Variants in EXOC4 observed in about 807,000 individuals in gnomAD.
EXOC4 encodes the protein exocyst complex component 4.
In EXOC4, 71 loss-of-function variants were observed where a neutral mutation model predicts 107.2. That is an observed-to-expected ratio of 0.66 (90% CI 0.55 to 0.81). EXOC4 has a LOEUF of 0.81. EXOC4 is among the 30% of genes least tolerant of loss of function. EXOC4 has a pLI of 0.00. For synonymous variants in EXOC4, 456 were observed against 441.2 expected (o/e 1.03, Z -0.42); for missense variants, 1,108 against 1,189.6 (o/e 0.93, Z 1.01).
chr7:133,721,713 C>T (rs2151107065), intron 10 of EXOC4, among the ~76,000 whole-genome samples: 1 of 152,178 alleles, frequency 6.6e-6, no homozygotes, highest in South Asian at 2.1e-4. Context: ...AGACAATGCT[C>T]CATGGATCGC....
chr7:133,787,133 T>A (rs943387964), intron 10 of EXOC4, among the ~76,000 whole-genome samples: 2 of 150,784 alleles, frequency 1.3e-5, no homozygotes, highest in Non-Finnish European at 2.9e-5. Context: ...TGTAAGGTAC[T>A]TTTTTTTTCT....
intron 14 of EXOC4, among the ~76,000 whole-genome samples, chr7:133,938,311 G>C (rs1339655026): frequency 2.0e-5 from 3 of 152,172 alleles, no homozygotes; most frequent in Admixed American, 6.5e-5. Context: ...AATGTGGCTT[G>C]ATATTAACAT....
At chr7:133,425,905 G>T (rs1797715017) in intron 7 of EXOC4, among the ~76,000 whole-genome samples, 1 of 152,142 alleles carries the variant, frequency 6.6e-6, no homozygotes, top group African/African-American at 2.4e-5. Flanking sequence ...CCTGCTTTGA[G>T]GTGTCCCACC....
chr7:134,028,589 TTC>T (rs1452221539), intron 17 of EXOC4, among the ~76,000 whole-genome samples: 1 of 152,180 alleles, frequency 6.6e-6, no homozygotes, highest in African/African-American at 2.4e-5. Context: ...GTGGCTGGAC[TTC>T]TCTGTCGCTA....
chr7:133,817,629 C>T, intron 11 of EXOC4, 85 bp downstream of exon 11: 1 of 950,492 alleles, frequency 1.1e-6, no homozygotes, highest in South Asian at 1.6e-5. Flanking sequence ...AGAAGAATTA[C>T]CATCTGTTTC....
At chr7:133,567,562 A>G (rs1244851958) in intron 9 of EXOC4, among the ~76,000 whole-genome samples, 3 of 152,168 alleles carry the variant, frequency 2.0e-5, no homozygotes, top group East Asian at 1.9e-4. Context: ...CCAAACCGTT[A>G]TATTCCAGGG....
intron 9 of EXOC4, among the ~76,000 whole-genome samples, chr7:133,575,460 C>T (rs577439483): frequency 3.9e-5 from 6 of 152,264 alleles, no homozygotes; most frequent in African/African-American, 9.6e-5. Context: ...ATAACGTATA[C>T]AATACTGCTT....
intron 10 of EXOC4, among the ~76,000 whole-genome samples, chr7:133,790,254 G>A (rs971298695): frequency 6.6e-6 from 1 of 152,218 alleles, no homozygotes; most frequent in African/African-American, 2.4e-5. Flanking sequence ...AGATGGGAAA[G>A]GAATCTGATG....
chr7:133,627,852 GAA>G (rs1802495388), intron 9 of EXOC4, among the ~76,000 whole-genome samples: 1 of 152,092 alleles, frequency 6.6e-6, no homozygotes, highest in Non-Finnish European at 1.5e-5. Flanking sequence ...TTATTCTTAA[GAA>G]AACGTATGCT....
chr7:134,007,385 TCTC>T (rs1166550014), intron 16 of EXOC4, among the ~76,000 whole-genome samples: 10 of 152,122 alleles, frequency 6.6e-5, no homozygotes, highest in Admixed American at 6.5e-4. Flanking sequence ...CCTGGCCTCT[TCTC>T]TAAGGCCTTG....
intron 10 of EXOC4, chr7:133,727,369 C>A: frequency 6.3e-6 from 1 of 159,948 alleles, no homozygotes. Flanking sequence ...GCTCAGTGGG[C>A]CACCTGCTGG....
rs558716693 is a variant in EXOC4, at chr7:133,511,557, G to C, written c.1417+31419G>C. On this transcript the variant is annotated intron_variant, in intron 9 of 17. Coordinates refer to ENST00000253861, the MANE Select transcript of EXOC4 (RefSeq NM_021807.4). ...TTAGGCAGATGGGGGAGGGCAGAGA[G>C]CTATTCCTGTTTCTGTTTTTTCTCA... Among the ~76,000 whole-genome samples the C allele has an allele frequency of 2.1e-4, 32 of 152,276 alleles. 1 individual carries two copies. In the East Asian group the frequency reaches 6.0e-3, roughly 28 times the overall value.
chr7:133,375,295 G>T (rs1796464850), intron 7 of EXOC4, among the ~76,000 whole-genome samples: 1 of 152,138 alleles, frequency 6.6e-6, no homozygotes, highest in Non-Finnish European at 1.5e-5. Flanking sequence ...GGCCAACATG[G>T]TGAAACCTTG....
At chr7:134,032,377 C>CATCACCAT (rs1795290141) in intron 17 of EXOC4, among the ~76,000 whole-genome samples, 1 of 152,186 alleles carries the variant, frequency 6.6e-6, no homozygotes, top group Admixed American at 6.5e-5. Flanking sequence ...TTGCTGCTGT[C>CATCACCAT]ATCACCATCA....
intron 1 of EXOC4, among the ~76,000 whole-genome samples, chr7:133,260,703 A>G (rs1190472510): frequency 6.6e-6 from 1 of 152,212 alleles, no homozygotes; most frequent in South Asian, 2.1e-4. Flanking sequence ...TGGGATTAAT[A>G]TATGGAATTG....
chr7:133,924,717 C>T (rs1800013744), intron 13 of EXOC4, among the ~76,000 whole-genome samples: 1 of 152,188 alleles, frequency 6.6e-6, no homozygotes, highest in Non-Finnish European at 1.5e-5. Context: ...AAAAGTCCTG[C>T]TCTCAAAGTA....
chr7:133,713,165 C>A (rs1794929232), intron 10 of EXOC4, among the ~76,000 whole-genome samples: 1 of 152,246 alleles, frequency 6.6e-6, no homozygotes, highest in African/African-American at 2.4e-5. Context: ...GAATTCTTAT[C>A]TGGGAAGACA....
At chr7:133,505,900 A>G (rs1413341921) in intron 9 of EXOC4, among the ~76,000 whole-genome samples, 1 of 152,128 alleles carries the variant, frequency 6.6e-6, no homozygotes, top group South Asian at 2.1e-4. Context: ...GCCATTAGCT[A>G]CTGCTGAAGT....
At chr7:133,359,481 A>G (rs750531078) in intron 6 of EXOC4, among the ~76,000 whole-genome samples, 47 of 152,140 alleles carry the variant, frequency 3.1e-4, no homozygotes, top group Non-Finnish European at 4.7e-4. Flanking sequence ...ATGGCTAAAG[A>G]TATATGAATT....
Sources: gnomAD v4.1 joint callset for allele counts (sites outside exome capture counted in the v4.1 genomes callset) on GRCh38, gnomAD v4.1.1 for gene constraint, MANE v1.5 for transcripts, NCBI Gene and HGNC (gene_info 2026-07-23, HGNC 2026-07-21) for gene names.